LNPEP: variants seen among roughly 807,000 people sequenced by gnomAD.
LNPEP encodes the protein leucyl and cystinyl aminopeptidase.
LNPEP carries 64 observed loss-of-function variants against 120.6 expected under a neutral mutation model. The ratio of observed to expected loss-of-function variants is 0.53; its 90% confidence interval spans 0.43 to 0.65. LNPEP has a LOEUF of 0.65. LNPEP is among the 30% of genes least tolerant of loss of function. The probability of loss-of-function intolerance (pLI) is 0.00; values close to 1 mark genes in which losing one functional copy is unlikely to be tolerated. For missense variants in LNPEP, 1,057 were observed against 1,200.0 expected (o/e 0.88, Z 1.76); for synonymous variants, 435 against 425.4 (o/e 1.02, Z -0.28).
At chr5:96,988,387 G>A (rs1173900932) in intron 4 of LNPEP, among the ~76,000 whole-genome samples, 1 of 147,414 alleles carries the variant, frequency 6.8e-6, no homozygotes, top group Non-Finnish European at 1.5e-5. Flanking sequence ...GCCTGGGGTG[G>A]AGTACAAGTG....
intron 8 of LNPEP, among the ~76,000 whole-genome samples, chr5:96,998,858 GA>G (rs1352151876): frequency 6.6e-6 from 1 of 152,164 alleles, no homozygotes; most frequent in Non-Finnish European, 1.5e-5. Context: ...GGATAAGGAA[GA>G]GAAACTTTTG....
At chr5:96,955,815 TCGATTGGCTGGG>T (rs1213197118) in intron 1 of LNPEP, among the ~76,000 whole-genome samples, 1 of 152,258 alleles carries the variant, frequency 6.6e-6, no homozygotes, top group African/African-American at 2.4e-5. Context: ...TTCCCATAAG[TCGATTGGCTGGG>T]TCATCTGGTA....
intron 1 of LNPEP, among the ~76,000 whole-genome samples, chr5:96,956,380 T>C (rs1318800300): frequency 6.6e-6 from 1 of 152,170 alleles, no homozygotes; most frequent in Non-Finnish European, 1.5e-5. Context: ...TAGCCACGTG[T>C]AGTGGCGCAC....
intron 4 of LNPEP, among the ~76,000 whole-genome samples, chr5:96,988,317 CTTTCTTT>C (rs1025698342): frequency 6.8e-6 from 1 of 147,120 alleles, no homozygotes; most frequent in African/African-American, 2.5e-5. Flanking sequence ...GCACACTGAT[CTTTCTTT>C]TTTCTTTTTC....
chr5:96,941,138 C>G (rs2112555474), intron 1 of LNPEP, among the ~76,000 whole-genome samples: 1 of 152,304 alleles, frequency 6.6e-6, no homozygotes, highest in African/African-American at 2.4e-5. Flanking sequence ...GCATTAAATT[C>G]TCAAAAGGAG....
chr5:97,022,165 G>A, intron 13 of LNPEP, 135 bp from the exon 14 acceptor site: 1 of 596,938 alleles, frequency 1.7e-6, no homozygotes. Context: ...CTGACCTCAG[G>A]TGATCTGCCC....
intron 3 of LNPEP, among the ~76,000 whole-genome samples, chr5:96,985,931 C>T (rs1291650923): frequency 6.6e-6 from 1 of 152,088 alleles, no homozygotes; most frequent in Non-Finnish European, 1.5e-5. Context: ...CCAGCTTACT[C>T]TGCACACTCA....
chr5:96,970,420 C>G (rs1314133645), intron 1 of LNPEP, among the ~76,000 whole-genome samples: 2 of 151,930 alleles, frequency 1.3e-5, no homozygotes, highest in Non-Finnish European at 2.9e-5. Context: ...CTATTTGTGT[C>G]TAAATTTAAA....
rs1791405987 is a variant in LNPEP, at chr5:97,028,696, T to C, written c.*163T>C. On this transcript the variant is annotated 3_prime_UTR_variant, in exon 18 of 18. Coordinates refer to ENST00000231368, the MANE Select transcript of LNPEP (RefSeq NM_005575.3). ...GCCTGACTGTATTTTTCATCCATCTTTTCTGAAGTGTCTTTGGGCAGTATG... is the reference window on the plus strand; with the variant it reads ...GCCTGACTGTATTTTTCATCCATCTCTTCTGAAGTGTCTTTGGGCAGTATG... The C allele has an allele frequency of 1.5e-6, 1 of 645,246 alleles. No individual in the cohort carries two copies. The highest frequency in any genetic ancestry group is 1.8e-5 in the African/African-American group (1 of 54,914). The allele number at this position is 645,246 out of a possible 1,614,324, so 40.0% of individuals were successfully genotyped here.
rs1265098201 is a variant in LNPEP at position 96,979,964 on chromosome 5, A to C, written c.846A>C (p.Glu282Asp). ...YGFYGFSYTD[E>D]SNEKKYFAAT... ...TTTATGGCTTCTCCTACACAGATGA[A>C]AGTAATGAGAAAAAGTAGGTAGCCC... Residue 282 changes from glutamate (E) to aspartate (D), a missense_variant, in exon 2 of 18, where the codon GAA (glutamate) becomes GAC (aspartate). By Grantham distance (45) the Glu-to-Asp change is conservative. Coordinates refer to ENST00000231368, the MANE Select transcript of LNPEP (RefSeq NM_005575.3). 1 of 1,584,422 alleles carries C rather than the reference A, an allele frequency of 6.3e-7. No homozygotes were observed. The highest frequency in any genetic ancestry group is 8.6e-7 in the Non-Finnish European group (1 of 1,163,092).
At chr5:96,991,791 T>C (rs567956491) in intron 4 of LNPEP, among the ~76,000 whole-genome samples, 3 of 152,310 alleles carry the variant, frequency 2.0e-5, no homozygotes, top group Admixed American at 6.5e-5. Flanking sequence ...GAATAAGATG[T>C]CCTTTCCCCA....
Position 97,035,216 on chromosome 5 carries a change from G to A in LNPEP, c.*6683G>A, listed in dbSNP as rs922556681. On this transcript the variant is annotated 3_prime_UTR_variant, in exon 18 of 18. Coordinates refer to ENST00000231368, the MANE Select transcript of LNPEP (RefSeq NM_005575.3). ...GGGTAATAGTCAGGGGGAAAGGACA[G>A]TGTCTATACTTTTTAAAGATGTATA... 5 of 152,000 alleles carry A rather than the reference G, an allele frequency of 3.3e-5. No individual in the cohort carries two copies. Among genetic ancestry groups the A allele is most frequent in the Non-Finnish European group, 7.4e-5 (5 of 67,980 alleles). 9.4% of individuals were successfully genotyped at this position (152,000 alleles called of 1,614,324 possible).
At chr5:96,938,115 G>A (rs1788963122) in intron 1 of LNPEP, among the ~76,000 whole-genome samples, 1 of 152,218 alleles carries the variant, frequency 6.6e-6, no homozygotes, top group African/African-American at 2.4e-5. Flanking sequence ...AAGATGGACA[G>A]GGTATTTATT....
rs1347017430 is a variant in LNPEP at position 96,979,165 on chromosome 5, T to C, written c.47T>C (p.Ile16Thr). ...CGGCTTCAGCTCCCCAGGAATATGA[T>C]TGAAAACAGCATGTTTGAGGAAGAA... Reference protein sequence around the residue: ...NDRLQLPRNMIENSMFEEEPD... With the variant: ...NDRLQLPRNMTENSMFEEEPD... The change falls in exon 2 of 18, where the codon ATT (isoleucine) becomes ACT (threonine). Residue 16 changes from isoleucine to threonine, a missense_variant. Transcript: ENST00000231368. The C allele has an allele frequency of 1.9e-6, 3 of 1,611,910 alleles. No individual in the cohort carries two copies. The highest frequency in any genetic ancestry group is 1.3e-5 in the African/African-American group (1 of 74,800).
intron 1 of LNPEP, among the ~76,000 whole-genome samples, chr5:96,967,502 T>G (rs1789758831): frequency 6.6e-6 from 1 of 151,988 alleles, no homozygotes; most frequent in Non-Finnish European, 1.5e-5. Context: ...CAACCAGCTT[T>G]GAGGAAAGAA....
intron 11 of LNPEP, chr5:97,011,193 T>G (rs575196745): frequency 1.0e-6 from 1 of 985,210 alleles, no homozygotes; most frequent in Non-Finnish European, 1.2e-6. Flanking sequence ...CTTGGGTCTC[T>G]GTAGCCCTTC....
chr5:97,009,569 A>G (rs1182961058), intron 11 of LNPEP, among the ~76,000 whole-genome samples: 1 of 152,220 alleles, frequency 6.6e-6, no homozygotes, highest in African/African-American at 2.4e-5. Context: ...CTTAGTAAAG[A>G]GGAATATACA....
chr5:96,978,593 T>A (rs1192816442), intron 1 of LNPEP, among the ~76,000 whole-genome samples: 3 of 152,168 alleles, frequency 2.0e-5, no homozygotes, highest in African/African-American at 7.2e-5. Context: ...TACCAGCTTG[T>A]GGTGCTCCCT....
chr5:96,988,431 C>T (rs74318220), intron 4 of LNPEP, among the ~76,000 whole-genome samples: 17 of 149,608 alleles, frequency 1.1e-4, no homozygotes, highest in African/African-American at 3.7e-4. Context: ...CTCTGCCTCC[C>T]GGGTTCAAGC....
Sources: gnomAD v4.1 joint callset for allele counts (sites outside exome capture counted in the v4.1 genomes callset) on GRCh38, gnomAD v4.1.1 for gene constraint, MANE v1.5 for transcripts, NCBI Gene and HGNC (gene_info 2026-07-23, HGNC 2026-07-21) for gene names.